TENM3: variants seen among roughly 807,000 people sequenced by gnomAD.
TENM3 encodes teneurin transmembrane protein 3.
TENM3 carries 63 observed loss-of-function variants against 255.1 expected under a neutral mutation model. That is an observed-to-expected ratio of 0.25 (90% CI 0.20 to 0.30). The LOEUF (loss-of-function observed/expected upper bound fraction) is 0.30. Ranked by LOEUF, TENM3 falls within the 10% of genes least tolerant of loss-of-function variation. The pLI is 1.00. For missense variants in TENM3, 2,929 were observed against 3,461.1 expected (o/e 0.85, Z 3.86); for synonymous variants, 1,306 against 1,322.3 (o/e 0.99, Z 0.27).
At chr4:182,515,240 T>C (rs567509109) in intron 3 of TENM3, among the ~76,000 whole-genome samples, 21 of 152,276 alleles carry the variant, frequency 1.4e-4, no homozygotes, top group African/African-American at 3.8e-4. Context: ...AGGGAAAATA[T>C]ATTGATGTGG....
intron 3 of TENM3, among the ~76,000 whole-genome samples, chr4:182,561,002 C>T (rs903867099): frequency 1.3e-5 from 2 of 152,022 alleles, no homozygotes; most frequent in African/African-American, 2.4e-5. Context: ...ACTGGTCCTG[C>T]GTGAAGAATG....
At chr4:182,219,980 A>G (rs1755748486) in intron 1 of TENM3, among the ~76,000 whole-genome samples, 1 of 152,190 alleles carries the variant, frequency 6.6e-6, no homozygotes, top group Admixed American at 6.5e-5. Flanking sequence ...AAAACATTTT[A>G]CACAGGTCAA....
rs570554836 is a variant in TENM3, at chr4:182,779,490, G to A, written c.5304+4337G>A. 5.9e-5 allele frequency among the ~76,000 whole-genome samples: 9 copies of A among 152,250 alleles called. No homozygotes were observed. The South Asian group carries it at 1.0e-3, about 18-fold the overall frequency. ...ACATTTGGGTTGGTTCCAAGTCTTT[G>A]CTATTGTGAATAGTGCTGCAATAAA... On this transcript the variant is annotated intron_variant, in intron 24 of 27. Coordinates refer to ENST00000511685, the MANE Select transcript of TENM3 (RefSeq NM_001080477.4).
chr4:181,905,097 G>A, the TENM3 span, among the ~76,000 whole-genome samples: 1,150 of 152,172 alleles, frequency 7.6e-3, 15 homozygotes, highest in African/African-American at 0.026. Context: ...TAAATTGCCC[G>A]GTCTCAGATA....
chr4:181,710,881 G>C, the TENM3 span, among the ~76,000 whole-genome samples: 10 of 138,114 alleles, frequency 7.2e-5, no homozygotes, highest in African/African-American at 2.7e-4. Flanking sequence ...AAGAAAAAAG[G>C]AAAAAAAGAA....
intron 14 of TENM3, among the ~76,000 whole-genome samples, chr4:182,729,924 A>T (rs1230610092): frequency 6.6e-6 from 1 of 152,222 alleles, no homozygotes; most frequent in Non-Finnish European, 1.5e-5. Flanking sequence ...TTATCATTTT[A>T]AAAATTCATC....
intron 4 of TENM3, among the ~76,000 whole-genome samples, chr4:182,607,791 A>G (rs1443804158): frequency 1.3e-5 from 2 of 152,198 alleles, no homozygotes; most frequent in South Asian, 2.1e-4. Context: ...CAGATACTGT[A>G]TATTCTGATA....
chr4:182,731,694 GGTGTGTGTGTGTGTGTGTGTGTGT>G (rs70956536), intron 16 of TENM3, among the ~76,000 whole-genome samples: 5 of 124,682 alleles, frequency 4.0e-5, no homozygotes, highest in Non-Finnish European at 8.7e-5. Context: ...TGGGTGTTGG[GGTGTGTGTGTGTGTGTGTGTGTGT>G]GTGTGTGTGT....
chr4:182,101,605 G>A, the TENM3 span, among the ~76,000 whole-genome samples: 4 of 152,128 alleles, frequency 2.6e-5, no homozygotes, highest in Non-Finnish European at 1.5e-5. Context: ...TTGGTTACCA[G>A]AGGCAGGGGG....
At chr4:181,808,594 ATTTAT>A in the TENM3 span, among the ~76,000 whole-genome samples, 1 of 152,286 alleles carries the variant, frequency 6.6e-6, no homozygotes, top group East Asian at 1.9e-4. Context: ...AAATACAGAA[ATTTAT>A]TTTCTTAAAC....
At chr4:181,949,829 G>A in the TENM3 span, among the ~76,000 whole-genome samples, 2 of 151,970 alleles carry the variant, frequency 1.3e-5, no homozygotes, top group Non-Finnish European at 2.9e-5. Flanking sequence ...CCTCCCTGGT[G>A]GTCTATGGTT....
intron 2 of TENM3, among the ~76,000 whole-genome samples, chr4:182,344,547 T>C (rs1764679739): frequency 6.6e-6 from 1 of 152,136 alleles, no homozygotes; most frequent in African/African-American, 2.4e-5. Flanking sequence ...CATAGATTTT[T>C]TGCATCAAGA....
intron 1 of TENM3, among the ~76,000 whole-genome samples, chr4:182,271,338 A>G (rs1471718034): frequency 6.6e-6 from 1 of 152,144 alleles, no homozygotes; most frequent in Non-Finnish European, 1.5e-5. Flanking sequence ...ATTGATTTAG[A>G]AAGACCCTGG....
At chr4:181,783,607 T>G in the TENM3 span, among the ~76,000 whole-genome samples, 2 of 152,238 alleles carry the variant, frequency 1.3e-5, no homozygotes, top group South Asian at 4.1e-4. Context: ...GAATTGCATT[T>G]AATTTTTATA....
the TENM3 span, among the ~76,000 whole-genome samples, chr4:181,605,490 GAAAGAAAGAAAGAAAGAAAGAAAGAA>G: frequency 5.4e-3 from 40 of 7,340 alleles, 1 homozygote; most frequent in African/African-American, 0.016. Flanking sequence ...GAGAAAGAAA[GAAAGAAAGAAAGAAAGAAAGAAAGAA>G]AGAAAGAAAG....
At chr4:181,639,384 C>A in the TENM3 span, among the ~76,000 whole-genome samples, 3 of 152,184 alleles carry the variant, frequency 2.0e-5, no homozygotes, top group Non-Finnish European at 4.4e-5. Context: ...CACATGCAGC[C>A]AAGGCAGCTC....
intron 3 of TENM3, among the ~76,000 whole-genome samples, chr4:182,535,753 A>C (rs1426409178): frequency 4.0e-5 from 6 of 151,888 alleles, no homozygotes; most frequent in Middle Eastern, 3.4e-3. Context: ...AAAAAAAAAA[A>C]CACAGAATTT....
chr4:181,638,083 C>T, the TENM3 span, among the ~76,000 whole-genome samples: 1 of 152,254 alleles, frequency 6.6e-6, no homozygotes, highest in East Asian at 1.9e-4. Context: ...TATCCTATTC[C>T]CTTTACCTAG....
At chr4:182,120,210 A>G in the TENM3 span, among the ~76,000 whole-genome samples, 12 of 152,206 alleles carry the variant, frequency 7.9e-5, no homozygotes, top group African/African-American at 2.9e-4. Flanking sequence ...TAGACACACA[A>G]TTCCTTACCA....
Sources: allele counts gnomAD v4.1 joint callset (sites outside exome capture counted in the v4.1 genomes callset), GRCh38; gene constraint gnomAD v4.1.1; transcripts MANE v1.5; gene names NCBI Gene and HGNC (gene_info 2026-07-23, HGNC 2026-07-21).